BMP7: variants seen among roughly 807,000 people sequenced by gnomAD.
BMP7 encodes the protein osteogenic protein 1.
In BMP7, 12 loss-of-function variants were observed where a neutral mutation model predicts 41.2. The observed-to-expected ratio is 0.29, with a 90% CI of 0.19 to 0.47. The LOEUF is 0.47. BMP7 is among the 20% of genes least tolerant of loss of function. The probability of loss-of-function intolerance (pLI) is 0.99; values close to 1 mark genes in which losing one functional copy is unlikely to be tolerated. For synonymous variants in BMP7, 248 were observed against 250.0 expected (o/e 0.99, Z 0.07); for missense variants, 467 against 606.0 (o/e 0.77, Z 2.41).
At chr20:57,263,874 G>A (rs1176882003) in intron 1 of BMP7, among the ~76,000 whole-genome samples, 1 of 151,732 alleles carries the variant, frequency 6.6e-6, no homozygotes, top group Admixed American at 6.6e-5. Flanking sequence ...CACTCCGTAA[G>A]CCCCAGCTAT....
chr20:57,198,945 C>T (rs1203330660), intron 3 of BMP7, among the ~76,000 whole-genome samples: 2 of 152,210 alleles, frequency 1.3e-5, no homozygotes, highest in Non-Finnish European at 2.9e-5. Context: ...GCTGGGGGCT[C>T]CTCTCCACCC....
At chr20:57,229,835 G>T (rs1041729820) in intron 1 of BMP7, among the ~76,000 whole-genome samples, 3 of 152,212 alleles carry the variant, frequency 2.0e-5, no homozygotes, top group African/African-American at 7.2e-5. Context: ...TGAGGAAGAA[G>T]TTCACAGCAC....
rs762810018 is a variant in BMP7 at position 57,174,881 on chromosome 20, A to AGCCCACGCCAGAGG, written c.1035+36_1035+49dup. The AGCCCACGCCAGAGG allele has an allele frequency of 9.0e-5, 140 of 1,563,852 alleles. No homozygotes were observed. In the South Asian group the frequency reaches 1.4e-3, roughly 16 times the overall value. ...GAGCACAGACCCGCTGCCTCGTGGG[A>AGCCCACGCCAGAGG]GCCCACGCCAGAGGGCCCACACCCA... On this transcript the variant is annotated intron_variant, in intron 5 of 6. Transcript: ENST00000395863. This position sits in a 1 kb window ranked among gnomAD's most constrained non-coding sequence, Gnocchi z 4.3.
Position 57,170,344 on chromosome 20 carries a change from C to A in BMP7, c.*615G>T. The A allele has an allele frequency of 6.0e-6, 1 of 167,218 alleles. No homozygotes were observed. The highest frequency in any genetic ancestry group is 1.3e-5 in the Non-Finnish European group (1 of 75,952). The allele number at this position is 167,218 out of a possible 1,614,324, so 10.4% of individuals were successfully genotyped here. ...GGATTTGGGCAAACCTCGGTAAACA[C>A]TGGGCCTCTGCAAGCCTCAGGATGA... On this transcript the variant is annotated 3_prime_UTR_variant, in exon 7 of 7. Coordinates refer to ENST00000395863, the MANE Select transcript of BMP7 (RefSeq NM_001719.3).
chr20:57,178,751 G>T (rs1262612292), intron 4 of BMP7, among the ~76,000 whole-genome samples: 2 of 152,104 alleles, frequency 1.3e-5, no homozygotes, highest in Non-Finnish European at 2.9e-5. Flanking sequence ...CTCAGCTCAG[G>T]GATGTGTCAG....
chr20:57,226,046 T>C (rs1402562323), intron 2 of BMP7: 1 of 439,196 alleles, frequency 2.3e-6, no homozygotes. Context: ...CCAGCCCAAG[T>C]TGCCTGTTGC....
intron 4 of BMP7, among the ~76,000 whole-genome samples, chr20:57,182,411 C>T (rs1473009979): frequency 6.6e-6 from 1 of 152,268 alleles, no homozygotes; most frequent in Non-Finnish European, 1.5e-5. Flanking sequence ...AAAGGGATTG[C>T]ACCCCAGCCA....
Position 57,214,478 on chromosome 20 carries a change from C to T in BMP7, c.612-11855G>A, listed in dbSNP as rs780295723. On this transcript the variant is annotated intron_variant, in intron 2 of 6. Coordinates refer to ENST00000395863, the MANE Select transcript of BMP7 (RefSeq NM_001719.3). This position sits in a 1 kb window ranked among gnomAD's most constrained non-coding sequence, Gnocchi z 4.0. ...GAGAGAGAGGAGGCATTATTGTCAA[C>T]TCCAGGTCATCCAACCTGTAAGGCC... 2.4e-4 allele frequency among the ~76,000 whole-genome samples: 37 copies of T among 152,204 alleles called. No individual in the cohort carries two copies. The highest frequency in any genetic ancestry group is 4.7e-4 in the Non-Finnish European group (32 of 68,034).
At chr20:57,257,727 A>G (rs2066138978) in intron 1 of BMP7, among the ~76,000 whole-genome samples, 1 of 151,168 alleles carries the variant, frequency 6.6e-6, no homozygotes, top group African/African-American at 2.4e-5. Flanking sequence ...CTTCTATGCC[A>G]TGAGAATTCT....
rs1264466176 is a variant in BMP7, at chr20:57,213,627, G to T, written c.612-11004C>A. 1.3e-5 allele frequency among the ~76,000 whole-genome samples: 2 copies of T among 152,158 alleles called. No homozygotes were observed. Among genetic ancestry groups the T allele is most frequent in the Admixed American group, 6.5e-5 (1 of 15,276 alleles). ...AGAGAAATACAGCGACAAATGGAAG[G>T]CTCTCCCTCATTAGAGACACAGCCA... On this transcript the variant is annotated intron_variant, in intron 2 of 6. Coordinates refer to ENST00000395863, the MANE Select transcript of BMP7 (RefSeq NM_001719.3). The surrounding 1 kb of genome is among the most constrained non-coding windows in gnomAD (Gnocchi z 4.4).
chr20:57,175,840 A>AG (rs11086601), intron 4 of BMP7, among the ~76,000 whole-genome samples: 147,470 of 152,228 alleles, frequency 0.97, 71,598 homozygotes, highest in East Asian at 1. Flanking sequence ...TGTGGCCCAC[A>AG]GGCCCGGTGT....
intron 4 of BMP7, among the ~76,000 whole-genome samples, 172 bp downstream of exon 4, chr20:57,183,550 G>A (rs1167260614): frequency 6.6e-6 from 1 of 152,220 alleles, no homozygotes; most frequent in African/African-American, 2.4e-5. Context: ...TATTTTTACA[G>A]AATTAAGATG....
chr20:57,231,255 C>T (rs901448620), intron 1 of BMP7, among the ~76,000 whole-genome samples: 3 of 152,238 alleles, frequency 2.0e-5, no homozygotes, highest in African/African-American at 7.2e-5. Flanking sequence ...TCCTCATTGT[C>T]ATATGATAGT....
rs1435301347 is a variant in BMP7 at position 57,174,111 on chromosome 20, G to A, written c.1036-801C>T. ...AGGGCTCAGAGCTGGCTGTGTGCAC[G>A]TACGCCCTGAGTGTGTCTGGGCATA... On this transcript the variant is annotated intron_variant, in intron 5 of 6. Coordinates refer to ENST00000395863, the MANE Select transcript of BMP7 (RefSeq NM_001719.3). The surrounding 1 kb of genome is among the most constrained non-coding windows in gnomAD (Gnocchi z 4.3). 6.6e-6 allele frequency among the ~76,000 whole-genome samples: 1 copy of A among 152,156 alleles called. No homozygotes were observed.
At chr20:57,225,341 T>A (rs1985286238) in intron 2 of BMP7, among the ~76,000 whole-genome samples, 1 of 152,210 alleles carries the variant, frequency 6.6e-6, no homozygotes, top group East Asian at 1.9e-4. Flanking sequence ...GGGAAGGCAG[T>A]GCCACAGCCA....
intron 2 of BMP7, among the ~76,000 whole-genome samples, chr20:57,217,944 T>C (rs1401236850): frequency 6.6e-6 from 1 of 152,182 alleles, no homozygotes. Context: ...TTTCCACGTG[T>C]TTACGTGTAC....
intron 1 of BMP7, among the ~76,000 whole-genome samples, chr20:57,236,799 G>A (rs2066049544): frequency 6.6e-6 from 1 of 151,888 alleles, no homozygotes; most frequent in Non-Finnish European, 1.5e-5. Flanking sequence ...CAAGACTGTG[G>A]CCAGTTGCAC....
chr20:57,233,498 TC>T (rs1379971423), intron 1 of BMP7, among the ~76,000 whole-genome samples: 1 of 152,108 alleles, frequency 6.6e-6, no homozygotes, highest in Non-Finnish European at 1.5e-5. Flanking sequence ...CTGGAAGGTG[TC>T]AATAATGGGT....
intron 1 of BMP7, among the ~76,000 whole-genome samples, chr20:57,231,393 A>T (rs561015256): frequency 5.6e-4 from 86 of 152,308 alleles, no homozygotes; most frequent in African/African-American, 1.9e-3. Flanking sequence ...TCATGCCTAG[A>T]AGTGGCATTG....
Sources: gnomAD v4.1 joint callset for allele counts (sites outside exome capture counted in the v4.1 genomes callset) on GRCh38, gnomAD v4.1.1 for gene constraint, Gnocchi (gnomAD v3.1) non-coding constraint, MANE v1.5 for transcripts, NCBI Gene and HGNC (gene_info 2026-07-23, HGNC 2026-07-21) for gene names.